EPHA7: variants seen among roughly 807,000 people sequenced by gnomAD.
EPHA7 encodes ephrin type-A receptor 7.
In EPHA7, 25 loss-of-function variants were observed where a neutral mutation model predicts 112.6. The observed-to-expected ratio is 0.22, with a 90% CI of 0.16 to 0.31. The LOEUF (loss-of-function observed/expected upper bound fraction) is 0.31. Ranked by LOEUF, EPHA7 falls within the 10% of genes least tolerant of loss-of-function variation. The probability of loss-of-function intolerance (pLI) is 1.00; values close to 1 mark genes in which losing one functional copy is unlikely to be tolerated. For synonymous variants in EPHA7, 437 were observed against 406.5 expected, an observed-to-expected ratio of 1.07 and a Z score of -0.90; for missense variants, 962 against 1,212.6, an observed-to-expected ratio of 0.79 and a Z score of 3.07.
intron 12 of EPHA7, among the ~76,000 whole-genome samples, chr6:93,256,239 G>A (rs1050902829): frequency 2.0e-5 from 3 of 151,964 alleles, no homozygotes. Context: ...TAATCATTTA[G>A]TTATTTATAC....
intron 3 of EPHA7, among the ~76,000 whole-genome samples, chr6:93,389,775 G>T (rs1777810020): frequency 1.3e-5 from 2 of 151,780 alleles, no homozygotes; most frequent in African/African-American, 4.8e-5. Flanking sequence ...AATGATATTG[G>T]AATCTGAGTC....
chr6:93,412,970 G>T (rs535734943), intron 2 of EPHA7, among the ~76,000 whole-genome samples: 12 of 151,994 alleles, frequency 7.9e-5, no homozygotes, highest in African/African-American at 2.4e-4. Context: ...AGAGGGGAAT[G>T]CTTCAGGAAA....
rs370733427 is a variant in EPHA7, at chr6:93,282,689, C to G, written c.1325-10267G>C. Among the ~76,000 whole-genome samples the G allele has an allele frequency of 2.6e-5, 4 of 152,182 alleles. No individual in the cohort carries two copies. The East Asian group carries it at 7.8e-4, about 30-fold the overall frequency. ...GAGCTGGGGCTGCGCACAGCGCTTG[C>G]GGGCCAGCGCGAGTTCCCGGTGGGC... On this transcript the variant is annotated intron_variant, in intron 5 of 16. Coordinates refer to ENST00000369303, the MANE Select transcript of EPHA7 (RefSeq NM_004440.4).
chr6:93,389,084 G>A (rs904981205), intron 3 of EPHA7, among the ~76,000 whole-genome samples: 1 of 152,040 alleles, frequency 6.6e-6, no homozygotes, highest in South Asian at 2.1e-4. Flanking sequence ...AGATTTTGGA[G>A]ATATTTGGAG....
intron 12 of EPHA7, 134 bp from the exon 13 acceptor site, chr6:93,256,171 TAC>T (rs1770434047): frequency 1.5e-6 from 1 of 685,230 alleles, no homozygotes; most frequent in Non-Finnish European, 2.4e-6. Context: ...ATAATATGGA[TAC>T]CTGTGGAAAA....
chr6:93,325,129 G>A (rs2127891461), intron 5 of EPHA7, among the ~76,000 whole-genome samples: 1 of 151,270 alleles, frequency 6.6e-6, no homozygotes, highest in East Asian at 1.9e-4. Flanking sequence ...GAAATATTTA[G>A]AATTGCCAGG....
chr6:93,394,962 T>C (rs1261043836), intron 3 of EPHA7, among the ~76,000 whole-genome samples: 1 of 151,862 alleles, frequency 6.6e-6, no homozygotes, highest in Non-Finnish European at 1.5e-5. Flanking sequence ...ATACAGCAAA[T>C]ACTTAATATT....
intron 5 of EPHA7, among the ~76,000 whole-genome samples, chr6:93,338,712 TAC>T (rs1176040023): frequency 6.6e-6 from 1 of 151,832 alleles, no homozygotes. Flanking sequence ...TTAAAACAGC[TAC>T]AGAGAGTTGA....
At chr6:93,276,812 G>A (rs771951150) in intron 5 of EPHA7, among the ~76,000 whole-genome samples, 2 of 151,932 alleles carry the variant, frequency 1.3e-5, no homozygotes, top group Non-Finnish European at 2.9e-5. Flanking sequence ...CCAAGATAAT[G>A]AATTTCACTT....
chr6:93,357,256 C>T (rs576035526), intron 4 of EPHA7, among the ~76,000 whole-genome samples: 1 of 152,226 alleles, frequency 6.6e-6, no homozygotes, highest in South Asian at 2.1e-4. Context: ...ATTCACTTGG[C>T]AAGAGGCTTT....
At chr6:93,343,154 CA>C (rs1439497004) in intron 5 of EPHA7, among the ~76,000 whole-genome samples, 6 of 151,594 alleles carry the variant, frequency 4.0e-5, no homozygotes, top group Non-Finnish European at 5.9e-5. Context: ...ACTTGAAAAA[CA>C]TCCAAAATTT....
At position 93,387,855 on chromosome 6, in the gene EPHA7, A is replaced by G. The variant is rs373346904; in HGVS notation, c.832+22646T>C. Among the ~76,000 whole-genome samples, 8 of 152,108 alleles carry G rather than the reference A, an allele frequency of 5.3e-5. No individual in the cohort carries two copies. The East Asian group carries it at 7.8e-4, about 15-fold the overall frequency. ...ACTTGCATGAGGTCCCTCCCCCAAT[A>G]CCGGTGGATTACAATTCAAGATGAG... On this transcript the variant is annotated intron_variant, in intron 3 of 16. Transcript: ENST00000369303.
At chr6:93,244,087 T>G (rs2127844534) in intron 16 of EPHA7, among the ~76,000 whole-genome samples, 1 of 152,270 alleles carries the variant, frequency 6.6e-6, no homozygotes, top group East Asian at 1.9e-4. Flanking sequence ...TTATAAAAAC[T>G]ATCTTTTAAA....
intron 5 of EPHA7, among the ~76,000 whole-genome samples, chr6:93,316,936 A>G (rs1369215719): frequency 6.6e-6 from 1 of 152,210 alleles, no homozygotes; most frequent in Non-Finnish European, 1.5e-5. Context: ...ACAAGAGGAA[A>G]ACTAAACTAT....
chr6:93,240,145 T>C lies in EPHA7; in HGVS notation c.*3281A>G, dbSNP rs190016097. 3.5e-3 allele frequency: 781 copies of C among 224,630 alleles called. 4 individuals carry two copies. The highest frequency in any genetic ancestry group is 7.7e-3 in the Admixed American group (134 of 17,464). 13.9% of individuals were successfully genotyped at this position (224,630 alleles called of 1,614,324 possible). A position where few individuals can be genotyped will look rare whatever the true frequency, so the allele number is the denominator to read the frequency against. On this transcript the variant is annotated 3_prime_UTR_variant, in exon 17 of 17. Transcript: ENST00000369303. Reference sequence around the variant, plus strand: ...GAAGACACTGTTCAAAAGCAGTTTGTCCTTATAAAAGGATGACCCCTGTAG... The same window carrying C: ...GAAGACACTGTTCAAAAGCAGTTTGCCCTTATAAAAGGATGACCCCTGTAG...
chr6:93,313,465 G>A (rs1395108263), intron 5 of EPHA7, among the ~76,000 whole-genome samples: 2 of 150,502 alleles, frequency 1.3e-5, no homozygotes, highest in African/African-American at 2.5e-5. Context: ...ATTTTCTTCA[G>A]GAAACACTTA....
chr6:93,258,929 A>C (rs1432247266), intron 10 of EPHA7, among the ~76,000 whole-genome samples: 1 of 151,910 alleles, frequency 6.6e-6, no homozygotes, highest in African/African-American at 2.4e-5. Flanking sequence ...TTCTACATGA[A>C]TTTAAAGTAC....
chr6:93,401,324 T>A (rs1778427885), intron 3 of EPHA7, among the ~76,000 whole-genome samples: 1 of 152,138 alleles, frequency 6.6e-6, no homozygotes, highest in Non-Finnish European at 1.5e-5. Context: ...CTTATGTCAT[T>A]CATCGACGCT....
At chr6:93,414,612 C>T (rs1779133819) in intron 2 of EPHA7, 91 bp downstream of exon 2, 4 of 937,870 alleles carry the variant, frequency 4.3e-6, no homozygotes, top group Non-Finnish European at 3.4e-6. Flanking sequence ...ACAGTTTATA[C>T]ATGAAGAGTG....
Sources: gnomAD v4.1 joint callset for allele counts (sites outside exome capture counted in the v4.1 genomes callset) on GRCh38, gnomAD v4.1.1 for gene constraint, MANE v1.5 for transcripts, NCBI Gene and HGNC (gene_info 2026-07-23, HGNC 2026-07-21) for gene names.